DLGAP2: variants seen among roughly 807,000 people sequenced by gnomAD.
DLGAP2 encodes DLG associated protein 2.
In DLGAP2, 26 loss-of-function variants were observed where a neutral mutation model predicts 100.3. The ratio of observed to expected loss-of-function variants is 0.26; its 90% CI spans 0.19 to 0.36. The LOEUF (loss-of-function observed/expected upper bound fraction) is 0.36, where lower values mean the gene tolerates loss of function less well. Ranked by LOEUF, DLGAP2 falls within the 10% of genes least tolerant of loss-of-function variation. The pLI is 1.00. For synonymous variants in DLGAP2, 886 were observed against 630.1 expected (o/e 1.41, Z -6.08); for missense variants, 1,858 against 1,453.2 (o/e 1.28, Z -4.53).
At chr8:1,222,909 C>G (rs756508776) in intron 2 of DLGAP2, among the ~76,000 whole-genome samples, 2 of 152,138 alleles carry the variant, frequency 1.3e-5, no homozygotes, top group African/African-American at 4.8e-5. Flanking sequence ...CGTGCTCTCT[C>G]CTGGTCCCAC....
At chr8:1,181,909 C>G (rs116393774) in intron 2 of DLGAP2, among the ~76,000 whole-genome samples, 1 of 152,132 alleles carries the variant, frequency 6.6e-6, no homozygotes, top group South Asian at 2.1e-4. Context: ...ACGCATTTCT[C>G]CTGTTCCTTG....
At chr8:1,507,206 G>A (rs556734928) in intron 4 of DLGAP2, among the ~76,000 whole-genome samples, 2 of 152,232 alleles carry the variant, frequency 1.3e-5, no homozygotes, top group South Asian at 2.1e-4. Context: ...GCGGAGCAGG[G>A]GGCAGCGTCC....
At chr8:997,901 C>T (rs1207999723) in intron 2 of DLGAP2, among the ~76,000 whole-genome samples, 1 of 149,850 alleles carries the variant, frequency 6.7e-6, no homozygotes, top group African/African-American at 2.5e-5. Flanking sequence ...CACCCATGCA[C>T]ATGCATGCAT....
At chr8:1,022,111 A>T (rs79646253) in intron 2 of DLGAP2, among the ~76,000 whole-genome samples, 4 of 152,098 alleles carry the variant, frequency 2.6e-5, no homozygotes, top group Non-Finnish European at 5.9e-5. Flanking sequence ...ACAGCACCCA[A>T]TGCCCGTCTG....
chr8:1,633,013 T>C lies in DLGAP2; in HGVS notation c.1777T>C (p.Ser593Pro). Residue 593 changes from serine (S) to proline (P), a missense_variant, in exon 8 of 15, where the codon TCT becomes CCT. By Grantham distance (74) the Ser-to-Pro change is moderately conservative. Transcript: ENST00000637795. ...CGAATGTATTCCCATGATGACACCCTCTGACATCACCTCCACCATCAGGTC... is the reference window on the plus strand; with the variant it reads ...CGAATGTATTCCCATGATGACACCCCCTGACATCACCTCCACCATCAGGTC... Reference protein sequence around the residue: ...DDECIPMMTPSDITSTIRSTA... With the variant: ...DDECIPMMTPPDITSTIRSTA... 14 of 1,613,934 alleles carry C rather than the reference T, an allele frequency of 8.7e-6. No individual in the cohort carries two copies. The highest frequency in any genetic ancestry group is 1.2e-5 in the Non-Finnish European group (14 of 1,179,882).
At chr8:1,368,575 G>T (rs1454441866) in intron 3 of DLGAP2, 1 of 152,122 alleles carries the variant, frequency 6.6e-6, no homozygotes, top group African/African-American at 2.4e-5. Context: ...GGGCCTATTT[G>T]GGGAGGATTA....
intron 2 of DLGAP2, among the ~76,000 whole-genome samples, chr8:1,173,038 G>T (rs369942653): frequency 6.6e-6 from 1 of 152,106 alleles, no homozygotes; most frequent in African/African-American, 2.4e-5. Context: ...TTTGATGATG[G>T]TGATGTACAG....
intron 1 of DLGAP2, among the ~76,000 whole-genome samples, chr8:787,804 T>C (rs1390603236): frequency 6.6e-6 from 1 of 152,220 alleles, no homozygotes; most frequent in Non-Finnish European, 1.5e-5. Flanking sequence ...CTGGTGGTGC[T>C]GTTGGGGCTT....
At chr8:1,651,446 C>A (rs1193587042) in intron 8 of DLGAP2, among the ~76,000 whole-genome samples, 2 of 152,222 alleles carry the variant, frequency 1.3e-5, no homozygotes, top group African/African-American at 4.8e-5. Context: ...TAGTTACCTC[C>A]CCCATCACCA....
At position 1,185,564 on chromosome 8, in the gene DLGAP2, C is replaced by T. The variant is rs147645203; in HGVS notation, c.74-73287C>T. Among the ~76,000 whole-genome samples the T allele has an allele frequency of 2.6e-3, 401 of 152,236 alleles. 2 individuals are homozygous for T. The highest frequency in any genetic ancestry group is 9.2e-3 in the African/African-American group (381 of 41,540). On this transcript the variant is annotated intron_variant, in intron 2 of 14. Transcript: ENST00000637795. ...TCATTCCACAAAACATCCTAACATC[C>T]ACTAGTCATTTATTGACTCGCTAAT...
At chr8:1,562,448 G>A (rs1309773759) in intron 5 of DLGAP2, among the ~76,000 whole-genome samples, 3 of 50,814 alleles carry the variant, frequency 5.9e-5, no homozygotes, top group African/African-American at 8.0e-5. Flanking sequence ...TCCGCGCCTC[G>A]TTGCTGCGGG....
chr8:1,410,214 G>T (rs1191964454), intron 3 of DLGAP2, among the ~76,000 whole-genome samples: 8 of 152,300 alleles, frequency 5.3e-5, no homozygotes, highest in East Asian at 1.9e-4. Context: ...TCTGGGAGTG[G>T]TTGGAATCTC....
chr8:1,046,947 T>G lies in DLGAP2; in HGVS notation c.73+138981T>G, dbSNP rs189966781. Among the ~76,000 whole-genome samples, 58 of 98,564 alleles carry G rather than the reference T, an allele frequency of 5.9e-4. No homozygotes were observed. The East Asian group carries it at 0.011, about 20-fold the overall frequency. 64.7% of individuals were successfully genotyped at this position (98,564 alleles called of 152,430 possible). A position where few individuals can be genotyped will look rare whatever the true frequency, so the allele number is the denominator to read the frequency against. ...TGAAATGCATCCTTTTTTTGTTGTT[T>G]TATTAAAATAATAGGTTTTTTTTAA... On this transcript the variant is annotated intron_variant, in intron 2 of 14. Coordinates refer to ENST00000637795, the MANE Select transcript of DLGAP2 (RefSeq NM_001346810.2).
chr8:1,523,974 T>G (rs893679557), intron 4 of DLGAP2, among the ~76,000 whole-genome samples: 1 of 152,200 alleles, frequency 6.6e-6, no homozygotes, highest in African/African-American at 2.4e-5. Flanking sequence ...CAGAATTCGT[T>G]TGGAGACTCC....
chr8:769,824 G>A (rs1821310857), intron 1 of DLGAP2, among the ~76,000 whole-genome samples: 1 of 152,100 alleles, frequency 6.6e-6, no homozygotes, highest in Admixed American at 6.5e-5. Context: ...GCATCCACAG[G>A]CCCCTAGAGC....
Position 1,549,434 on chromosome 8 carries a change from C to T in DLGAP2, c.981C>T (p.Tyr327=), listed in dbSNP as rs775335874. The T allele has an allele frequency of 1.2e-6, 2 of 1,613,458 alleles. No individual in the cohort carries two copies. Among genetic ancestry groups the T allele is most frequent in the Non-Finnish European group, 1.7e-6 (2 of 1,179,776 alleles). ...ACCTGGGCCCCGTGGCCCACTGCTA[C>T]CCCGACGCGCTGCAGAGCCCCTTCG... ...RHHLGPVAHC[Y]PDALQSPFGD... The change falls in exon 5 of 15, where the codon TAC becomes TAT. Residue 327 remains tyrosine (Y), a synonymous_variant. Coordinates refer to ENST00000637795, the MANE Select transcript of DLGAP2 (RefSeq NM_001346810.2).
At chr8:787,336 C>G (rs534906185) in intron 1 of DLGAP2, among the ~76,000 whole-genome samples, 1 of 152,316 alleles carries the variant, frequency 6.6e-6, no homozygotes, top group African/African-American at 2.4e-5. Context: ...TGAGGACCCT[C>G]CTTCCCATGT....
intron 2 of DLGAP2, among the ~76,000 whole-genome samples, chr8:957,363 AGTT>A (rs879767211): frequency 5.3e-5 from 8 of 152,206 alleles, no homozygotes; most frequent in Admixed American, 5.2e-4. Flanking sequence ...TCAGGTTAAA[AGTT>A]GTCCTTCGTT....
At chr8:1,409,082 C>A (rs1481268153) in intron 3 of DLGAP2, among the ~76,000 whole-genome samples, 3 of 151,786 alleles carry the variant, frequency 2.0e-5, no homozygotes, top group Non-Finnish European at 4.4e-5. Flanking sequence ...GTAGCAGGCG[C>A]CCGGCTCCCC....
Sources: gnomAD v4.1 joint callset for allele counts (sites outside exome capture counted in the v4.1 genomes callset) on GRCh38, gnomAD v4.1.1 for gene constraint, MANE v1.5 for transcripts, NCBI Gene and HGNC (gene_info 2026-07-23, HGNC 2026-07-21) for gene names.